The following ZNF382 variants were observed in gnomAD, a reference collection of about 807,000 sequenced individuals.
ZNF382 encodes zinc finger protein 382.
In ZNF382, 20 loss-of-function variants were observed where a neutral mutation model predicts 38.8. That is an observed-to-expected ratio of 0.51 (90% CI 0.36 to 0.75). The LOEUF (loss-of-function observed/expected upper bound fraction) is 0.75. ZNF382 is among the 30% of genes least tolerant of loss of function. ZNF382 has a pLI of 0.00. For missense variants in ZNF382, 546 were observed against 654.1 expected (o/e 0.83, Z 1.80); for synonymous variants, 202 against 223.1 (o/e 0.91, Z 0.84).
At position 36,627,292 on chromosome 19, in the gene ZNF382, T is replaced by G; in HGVS notation, c.1395T>G (p.Ile465Met). The G allele has an allele frequency of 6.2e-7, 1 of 1,613,712 alleles. No homozygotes were observed. Among genetic ancestry groups the G allele is most frequent in the East Asian group, 2.2e-5 (1 of 44,866 alleles). Residue 465 changes from isoleucine to methionine, a missense_variant, in exon 5 of 5, where the codon ATT becomes ATG. Coordinates refer to ENST00000292928, the MANE Select transcript of ZNF382 (RefSeq NM_032825.5). ...TTCACACGGGGGAAAAACCCTATAT[T>G]TGTAATGAATGTGGGAAGTCCTTCC... ...QRIHTGEKPY[I>M]CNECGKSFRQ...
intron 2 of ZNF382, chr19:36,609,639 A>C: frequency 3.7e-6 from 1 of 268,086 alleles, no homozygotes; most frequent in Non-Finnish European, 7.0e-6. Context: ...ATTTACATGT[A>C]TGCCCCTCTC....
At chr19:36,620,988 G>A (rs2145328484) in intron 4 of ZNF382, among the ~76,000 whole-genome samples, 1 of 151,960 alleles carries the variant, frequency 6.6e-6, no homozygotes, top group East Asian at 1.9e-4. Flanking sequence ...CGAACTCCTG[G>A]TCTCAAGTGA....
Position 36,612,768 on chromosome 19 carries a change from T to A in ZNF382, c.232+2026T>A, listed in dbSNP as rs1025947190. Among the ~76,000 whole-genome samples the A allele has an allele frequency of 3.9e-5, 6 of 152,152 alleles. No individual in the cohort carries two copies. In the East Asian group the frequency reaches 7.7e-4, roughly 20 times the overall value. The stretch of plus-strand genomic sequence containing the variant: ...TATATCAGAGGCATCTGTTCAAGTG[T>A]TTTGTTTGTTTCTTTGTTCGTTTGT... On this transcript the variant is annotated intron_variant, in intron 4 of 4. Transcript: ENST00000292928.
At chr19:36,620,229 A>T (rs964138195) in intron 4 of ZNF382, among the ~76,000 whole-genome samples, 15 of 152,204 alleles carry the variant, frequency 9.9e-5, no homozygotes, top group Non-Finnish European at 2.2e-4. Context: ...CAAAATGGTA[A>T]TTTGAAGATC....
rs10557413 is a variant in ZNF382 at position 36,621,324 on chromosome 19, G to GTTT, written c.233-4786_233-4784dup. On this transcript the variant is annotated intron_variant, in intron 4 of 4. Transcript: ENST00000292928. ...TTGGATTTGCCATGATTTTTCCCTA[G>GTTT]TTTTTTTTTTTTTTTTTTTTTTCCA... 7.1e-4 allele frequency among the ~76,000 whole-genome samples: 74 copies of GTTT among 104,484 alleles called. 2 individuals carry two copies. The highest frequency in any genetic ancestry group is 2.3e-3 in the African/African-American group (62 of 26,614). The allele number at this position is 104,484 out of a possible 152,430, so 68.5% of individuals were successfully genotyped here.
At chr19:36,608,964 T>G (rs1198756817) in intron 2 of ZNF382, 1 of 152,252 alleles carries the variant, frequency 6.6e-6, no homozygotes, top group Non-Finnish European at 1.5e-5. Context: ...TTCCTTAATC[T>G]AGGAGACATT....
rs1248531258 is a variant in ZNF382, at chr19:36,633,357, AC to A, written c.*5810del. 7.1e-6 allele frequency: 1 copy of A among 141,392 alleles called. No individual in the cohort carries two copies. The highest frequency in any genetic ancestry group is 3.2e-5 in the African/African-American group (1 of 31,288). The allele number at this position is 141,392 out of a possible 1,614,324, so 8.8% of individuals were successfully genotyped here. ...CCGGCCTATAATCGGACTTTTCAAA[AC>A]CCTAGATATGTGACAATACCAAGTG... On this transcript the variant is annotated 3_prime_UTR_variant, in exon 5 of 5. Coordinates refer to ENST00000292928, the MANE Select transcript of ZNF382 (RefSeq NM_032825.5).
At chr19:36,624,145 T>C (rs2037191771) in intron 4 of ZNF382, among the ~76,000 whole-genome samples, 1 of 152,126 alleles carries the variant, frequency 6.6e-6, no homozygotes, top group South Asian at 2.1e-4. Flanking sequence ...TAGTAGCATA[T>C]ACTTGGAGGT....
chr19:36,630,496 C>CAGGCGCCATTCCTCTCAGCTAAT lies in ZNF382; in HGVS notation c.*2946_*2947insAGGCGCCATTCCTCTCAGCTAAT, dbSNP rs1417200233. ...CCTCCCAAGTAGCTGGGATTACAGG[C>CAGGCGCCATTCCTCTCAGCTAAT]GCCCACCTGTATTTTTAGTAGAGAC... On this transcript the variant is annotated 3_prime_UTR_variant, in exon 5 of 5. Coordinates refer to ENST00000292928, the MANE Select transcript of ZNF382 (RefSeq NM_032825.5). The CAGGCGCCATTCCTCTCAGCTAAT allele has an allele frequency of 6.6e-6, 1 of 151,634 alleles. No individual in the cohort carries two copies. The highest frequency in any genetic ancestry group is 1.5e-5 in the Non-Finnish European group (1 of 67,948). The allele number at this position is 151,634 out of a possible 1,614,324, so 9.4% of individuals were successfully genotyped here.
chr19:36,626,212 C>G lies in ZNF382; in HGVS notation c.315C>G (p.Asn105Lys). ...ATTCTAGACCCCTCATATTCATCAA[C>G]CACAAAAAACTAATTAAGGAGAGAA... ...DRHSRPLIFI[N>K]HKKLIKERSN... Residue 105 changes from asparagine to lysine, a missense_variant, in exon 5 of 5, where the codon AAC becomes AAG. Coordinates refer to ENST00000292928, the MANE Select transcript of ZNF382 (RefSeq NM_032825.5). 6.2e-7 allele frequency: 1 copy of G among 1,601,780 alleles called. No homozygotes were observed. The highest frequency in any genetic ancestry group is 1.1e-5 in the South Asian group (1 of 87,912).
chr19:36,605,580 A>C (rs1292178415), intron 1 of ZNF382: 1 of 152,236 alleles, frequency 6.6e-6, no homozygotes, highest in East Asian at 1.9e-4. Context: ...ACCCGGAGCG[A>C]GCTCCGCGAA....
intron 4 of ZNF382, among the ~76,000 whole-genome samples, chr19:36,612,481 C>G (rs758788386): frequency 6.6e-6 from 1 of 152,146 alleles, no homozygotes; most frequent in Non-Finnish European, 1.5e-5. Flanking sequence ...GCAGCGATAT[C>G]GCTGATTCAT....
chr19:36,623,409 C>T (rs1212892664), intron 4 of ZNF382, among the ~76,000 whole-genome samples: 1 of 152,022 alleles, frequency 6.6e-6, no homozygotes, highest in African/African-American at 2.4e-5. Context: ...AAATCTTAGG[C>T]CGTTGGAAAA....
intron 4 of ZNF382, among the ~76,000 whole-genome samples, chr19:36,619,646 A>G (rs2037153009): frequency 6.6e-6 from 1 of 152,190 alleles, no homozygotes. Context: ...AAGTGTCTCA[A>G]CGTTGAAAGC....
At chr19:36,607,378 G>C (rs540164913) in intron 1 of ZNF382, among the ~76,000 whole-genome samples, 174 bp from the exon 2 acceptor site, 4 of 152,170 alleles carry the variant, frequency 2.6e-5, no homozygotes, top group African/African-American at 9.6e-5. Context: ...TGTTTGTGAG[G>C]GAGCCTGATT....
intron 2 of ZNF382, chr19:36,608,692 AC>A (rs1489908680): frequency 6.6e-6 from 1 of 152,248 alleles, no homozygotes; most frequent in Non-Finnish European, 1.5e-5. Flanking sequence ...GAGTGTCAGA[AC>A]CGAATATTCA....
At chr19:36,614,625 C>G (rs2037106297) in intron 4 of ZNF382, among the ~76,000 whole-genome samples, 1 of 151,978 alleles carries the variant, frequency 6.6e-6, no homozygotes, top group Non-Finnish European at 1.5e-5. Flanking sequence ...ATTTCTGATT[C>G]TATTGTACAT....
At position 36,630,901 on chromosome 19, in the gene ZNF382, C is replaced by T. The variant is rs568275472; in HGVS notation, c.*3351C>T. On this transcript the variant is annotated 3_prime_UTR_variant, in exon 5 of 5. Transcript: ENST00000292928. Reference sequence around the variant, plus strand: ...CTGGACTCAAGCAATTCTCCTGCCTCAGCCTCCCAAGTAGCTAGGACTACA... The same window carrying T: ...CTGGACTCAAGCAATTCTCCTGCCTTAGCCTCCCAAGTAGCTAGGACTACA... 1 of 152,238 alleles carries T rather than the reference C, an allele frequency of 6.6e-6. No homozygotes were observed. Among genetic ancestry groups the T allele is most frequent in the South Asian group, 2.1e-4 (1 of 4,818 alleles). 9.4% of individuals were successfully genotyped at this position (152,238 alleles called of 1,614,324 possible). A position where few individuals can be genotyped will look rare whatever the true frequency, so the allele number is the denominator to read the frequency against.
chr19:36,614,476 A>C (rs1410376945), intron 4 of ZNF382, among the ~76,000 whole-genome samples: 2 of 152,234 alleles, frequency 1.3e-5, no homozygotes, highest in Admixed American at 1.3e-4. Flanking sequence ...CTAATGTCTT[A>C]GCAATATTGA....
Sources: gnomAD v4.1 joint callset for allele counts (sites outside exome capture counted in the v4.1 genomes callset) on GRCh38, gnomAD v4.1.1 for gene constraint, MANE v1.5 for transcripts, NCBI Gene and HGNC (gene_info 2026-07-23, HGNC 2026-07-21) for gene names.